Variants in WDPCP observed in about 807,000 individuals in gnomAD.
WDPCP encodes the protein WD repeat containing planar cell polarity effector.
Under a neutral mutation model 93.1 loss-of-function variants are expected in WDPCP, and 71 were observed. The observed-to-expected ratio is 0.76, with a 90% CI of 0.63 to 0.93. WDPCP has a LOEUF of 0.93. Among genes scored for constraint, WDPCP ranks in the 40% least tolerant of loss-of-function variants. WDPCP has a pLI of 0.00. For missense variants in WDPCP, 844 were observed against 887.4 expected (o/e 0.95, Z 0.62); for synonymous variants, 315 against 315.0 (o/e 1.00, Z 0.00).
intron 2 of WDPCP, among the ~76,000 whole-genome samples, chr2:63,755,906 T>C (rs1669961167): frequency 6.6e-6 from 1 of 152,204 alleles, no homozygotes; most frequent in Non-Finnish European, 1.5e-5. Context: ...CCTGCAGAAA[T>C]GTTTCCTATG....
At chr2:63,446,124 T>G (rs755349443) in intron 6 of WDPCP, among the ~76,000 whole-genome samples, 1 of 152,184 alleles carries the variant, frequency 6.6e-6, no homozygotes, top group Non-Finnish European at 1.5e-5. Context: ...ATCTGATTTT[T>G]CTCTCTCCAG....
intron 14 of WDPCP, among the ~76,000 whole-genome samples, chr2:63,249,661 G>C (rs528034528): frequency 6.6e-6 from 1 of 152,226 alleles, no homozygotes; most frequent in East Asian, 1.9e-4. Flanking sequence ...TTCCTATTCT[G>C]AAATTTGGCT....
chr2:63,501,441 C>T (rs1399763324), intron 1 of WDPCP, among the ~76,000 whole-genome samples: 1 of 152,142 alleles, frequency 6.6e-6, no homozygotes, highest in Non-Finnish European at 1.5e-5. Context: ...TGGCACCTGC[C>T]TGTACTCCTA....
rs558763532 is a variant in WDPCP at position 63,144,449 on chromosome 2, T to G, written c.2190+8465A>C. Reference sequence around the variant, plus strand: ...TTTTGTATTTTTAGTAGAGATGGGGTTTCGCCATGTTGGCCAGACTGGTCT... The same window carrying G: ...TTTTGTATTTTTAGTAGAGATGGGGGTTCGCCATGTTGGCCAGACTGGTCT... On this transcript the variant is annotated intron_variant, in intron 17 of 17. Coordinates refer to ENST00000272321, the MANE Select transcript of WDPCP (RefSeq NM_015910.7). Among the ~76,000 whole-genome samples the G allele has an allele frequency of 2.4e-4, 37 of 152,164 alleles. No homozygotes were observed. The East Asian group carries it at 7.2e-3, about 29-fold the overall frequency.
intron 1 of WDPCP, among the ~76,000 whole-genome samples, chr2:63,577,068 A>G (rs939410651): frequency 1.3e-5 from 2 of 152,224 alleles, no homozygotes; most frequent in Non-Finnish European, 2.9e-5. Context: ...TTTGCAATCA[A>G]GAAGTTCTAG....
Position 63,594,162 on chromosome 2 carries a change from C to T in WDPCP, n.488+56497G>A. On this transcript the variant is annotated intron_variant and non_coding_transcript_variant, in intron 3 of 4. Transcript: ENST00000467687. Reference sequence around the variant, plus strand: ...CTTTGCATAATAAGGATTTGTGTGGCTCTAGTGGCTGCCAGGGTTTGGATC... The same window carrying T: ...CTTTGCATAATAAGGATTTGTGTGGTTCTAGTGGCTGCCAGGGTTTGGATC... 4.0e-5 allele frequency: 19 copies of T among 479,418 alleles called. 3 individuals carry two copies. Among genetic ancestry groups the T allele is most frequent in the Middle Eastern group, 3.4e-4 (1 of 2,984 alleles). 29.7% of individuals were successfully genotyped at this position (479,418 alleles called of 1,614,324 possible).
chr2:63,195,734 G>T (rs1390748726), intron 14 of WDPCP, among the ~76,000 whole-genome samples: 1 of 151,842 alleles, frequency 6.6e-6, no homozygotes, highest in African/African-American at 2.4e-5. Flanking sequence ...ATTAAGAAAA[G>T]GATATTTCAT....
At chr2:63,583,366 A>C (rs1424059030) in intron 1 of WDPCP, among the ~76,000 whole-genome samples, 1 of 152,142 alleles carries the variant, frequency 6.6e-6, no homozygotes, top group Non-Finnish European at 1.5e-5. Flanking sequence ...AAATAGCAAG[A>C]CGTCATTTAA....
chr2:63,129,204 C>T lies in WDPCP; in HGVS notation c.2191-7148G>A, dbSNP rs563792475. On this transcript the variant is annotated intron_variant, in intron 17 of 17. Transcript: ENST00000272321. ...TCAGTGGCCATTTTGGTTGTTTCCA[C>T]CTTTTGGGTATTGTGACTAATGTTG... Among the ~76,000 whole-genome samples the T allele has an allele frequency of 2.0e-5, 3 of 152,256 alleles. No homozygotes were observed. The South Asian group carries it at 6.2e-4, about 32-fold the overall frequency.
At chr2:63,210,033 T>G (rs1676643775) in intron 14 of WDPCP, among the ~76,000 whole-genome samples, 1 of 152,140 alleles carries the variant, frequency 6.6e-6, no homozygotes, top group Non-Finnish European at 1.5e-5. Context: ...ATGTTTGAGT[T>G]TTATGTAATG....
chr2:63,430,057 A>G (rs763040093), intron 9 of WDPCP, among the ~76,000 whole-genome samples: 2 of 151,714 alleles, frequency 1.3e-5, no homozygotes, highest in African/African-American at 2.4e-5. Flanking sequence ...AAAAAGAACA[A>G]AAGTATGTCC....
At chr2:63,776,437 T>C (rs947431906) in intron 2 of WDPCP, among the ~76,000 whole-genome samples, 19 of 151,908 alleles carry the variant, frequency 1.3e-4, no homozygotes, top group African/African-American at 4.1e-4. Flanking sequence ...GGCAGGTTGT[T>C]TGAGCCCAGG....
chr2:63,778,819 A>T lies in WDPCP; in HGVS notation n.308+34803T>A, dbSNP rs1670344840. 2.0e-5 allele frequency among the ~76,000 whole-genome samples: 3 copies of T among 152,176 alleles called. No homozygotes were observed. In the South Asian group the frequency reaches 6.2e-4, roughly 32 times the overall value. On this transcript the variant is annotated intron_variant and non_coding_transcript_variant, in intron 2 of 4. Coordinates refer to the WDPCP transcript ENST00000467687. Reference sequence around the variant, plus strand: ...AGAATCTCCGCATCCTCTATATAATATTGCCAGTCCGAAATTTTTGTTCAA... The same window carrying T: ...AGAATCTCCGCATCCTCTATATAATTTTGCCAGTCCGAAATTTTTGTTCAA...
intron 12 of WDPCP, among the ~76,000 whole-genome samples, chr2:63,357,814 C>T (rs544082560): frequency 1.3e-5 from 2 of 152,084 alleles, no homozygotes; most frequent in Non-Finnish European, 2.9e-5. Flanking sequence ...TGCAAATGTT[C>T]ATTGCAGCAC....
chr2:63,619,958 G>A (rs892715062), intron 3 of WDPCP, among the ~76,000 whole-genome samples: 4 of 152,124 alleles, frequency 2.6e-5, no homozygotes, highest in African/African-American at 9.7e-5. Context: ...AAGCCGTGAG[G>A]GACTGTGCCA....
chr2:63,759,896 T>C (rs942810931), intron 2 of WDPCP, among the ~76,000 whole-genome samples: 5 of 152,198 alleles, frequency 3.3e-5, no homozygotes, highest in African/African-American at 1.2e-4. Flanking sequence ...CAGTACAGGA[T>C]GAAGATGGCA....
At chr2:63,629,237 A>G (rs1709841323) in intron 3 of WDPCP, among the ~76,000 whole-genome samples, 1 of 152,142 alleles carries the variant, frequency 6.6e-6, no homozygotes, top group African/African-American at 2.4e-5. Flanking sequence ...CTTCTAGGCA[A>G]TAATTGCTCT....
intron 1 of WDPCP, among the ~76,000 whole-genome samples, chr2:63,496,581 TAG>T (rs1455708036): frequency 6.6e-6 from 1 of 152,180 alleles, no homozygotes; most frequent in African/African-American, 2.4e-5. Context: ...TAGTACAGTA[TAG>T]AGTCTATGAC....
chr2:63,238,861 T>A (rs761694560), intron 14 of WDPCP, among the ~76,000 whole-genome samples: 5 of 152,136 alleles, frequency 3.3e-5, no homozygotes, highest in Non-Finnish European at 5.9e-5. Context: ...ATTAAATGAT[T>A]AACAACTAGC....
Sources: gnomAD v4.1 joint callset for allele counts (sites outside exome capture counted in the v4.1 genomes callset) on GRCh38, gnomAD v4.1.1 for gene constraint, MANE v1.5 for transcripts, NCBI Gene and HGNC (gene_info 2026-07-23, HGNC 2026-07-21) for gene names.